The following KCNQ3 variants were observed in gnomAD, a reference collection of about 807,000 sequenced individuals.
KCNQ3 encodes the protein potassium voltage-gated channel subfamily KQT member 3.
A neutral mutation model predicts 92.5 loss-of-function variants in KCNQ3; 30 were observed. The ratio of observed to expected loss-of-function variants is 0.32; its 90% CI spans 0.24 to 0.44. The LOEUF (loss-of-function observed/expected upper bound fraction) is 0.44. Ranked by LOEUF, KCNQ3 falls within the 20% of genes least tolerant of loss-of-function variation. The pLI, the probability that KCNQ3 is intolerant of heterozygous loss-of-function variation, is 1.00. For synonymous variants in KCNQ3, 450 were observed against 468.8 expected, an observed-to-expected ratio of 0.96 and a Z score of 0.52; for missense variants, 913 against 1,140.3, an observed-to-expected ratio of 0.80 and a Z score of 2.87.
chr8:132,422,739 T>A (rs1821008238), intron 1 of KCNQ3, among the ~76,000 whole-genome samples: 1 of 152,182 alleles, frequency 6.6e-6, no homozygotes, highest in Non-Finnish European at 1.5e-5. Flanking sequence ...TAATGCATAA[T>A]TATTTGTCCA....
chr8:132,238,799 G>A (rs189479350), intron 1 of KCNQ3, among the ~76,000 whole-genome samples: 38 of 152,262 alleles, frequency 2.5e-4, no homozygotes, highest in Admixed American at 2.4e-3. Flanking sequence ...CTTGGGTTAG[G>A]GGTCCATCCC....
At chr8:132,416,624 A>G (rs1483967033) in intron 1 of KCNQ3, among the ~76,000 whole-genome samples, 5 of 152,166 alleles carry the variant, frequency 3.3e-5, no homozygotes, top group Non-Finnish European at 5.9e-5. Context: ...TCCATCTCAA[A>G]CAAACAAACA....
intron 9 of KCNQ3, among the ~76,000 whole-genome samples, chr8:132,154,192 A>ATTTTT (rs1563775830): frequency 3.8e-5 from 4 of 104,478 alleles, no homozygotes; most frequent in African/African-American, 1.3e-4. Context: ...AAAGGGTAAA[A>ATTTTT]GTTTTTTTTT....
rs1824537503 is a variant in KCNQ3 at position 132,123,011 on chromosome 8, C to G, written c.*6251G>C. 1 of 152,098 alleles carries G rather than the reference C, an allele frequency of 6.6e-6. No individual in the cohort carries two copies. The highest frequency in any genetic ancestry group is 6.6e-5 in the Admixed American group (1 of 15,256). The allele number at this position is 152,098 out of a possible 1,614,324, so 9.4% of individuals were successfully genotyped here. The stretch of plus-strand genomic sequence containing the variant: ...TTCTCTGGGACAAGGCAAGAGGACC[C>G]AAGCTGTGTTCAAATGAGACCCAGA... On this transcript the variant is annotated 3_prime_UTR_variant, in exon 15 of 15. Transcript: ENST00000388996.
chr8:132,425,743 T>G (rs1234949277), intron 1 of KCNQ3, among the ~76,000 whole-genome samples: 1 of 152,214 alleles, frequency 6.6e-6, no homozygotes, highest in Non-Finnish European at 1.5e-5. Flanking sequence ...AATATGAATC[T>G]GCCAAGGTAT....
intron 1 of KCNQ3, among the ~76,000 whole-genome samples, chr8:132,302,719 TTC>T (rs771123683): frequency 6.6e-5 from 10 of 152,224 alleles, no homozygotes; most frequent in Non-Finnish European, 1.0e-4. Context: ...CTCGATTTTT[TTC>T]TCTCTCCTGC....
chr8:132,164,911 TCA>T (rs1013419914), intron 8 of KCNQ3, among the ~76,000 whole-genome samples: 5 of 152,114 alleles, frequency 3.3e-5, no homozygotes, highest in African/African-American at 1.2e-4. Context: ...ACCCATGGTC[TCA>T]CCATCTGGCT....
chr8:132,151,562 G>A (rs1261259915), intron 9 of KCNQ3, among the ~76,000 whole-genome samples: 1 of 152,136 alleles, frequency 6.6e-6, no homozygotes, highest in East Asian at 1.9e-4. Context: ...GCACAACAAG[G>A]TATTCTCAAG....
chr8:132,174,923 A>G (rs940025074), intron 5 of KCNQ3, among the ~76,000 whole-genome samples: 1 of 152,236 alleles, frequency 6.6e-6, no homozygotes, highest in African/African-American at 2.4e-5. Context: ...AAGACCTTGA[A>G]GTTACTTAAC....
intron 1 of KCNQ3, among the ~76,000 whole-genome samples, chr8:132,302,161 G>A (rs182105599): frequency 6.6e-6 from 1 of 152,180 alleles, no homozygotes; most frequent in Non-Finnish European, 1.5e-5. Flanking sequence ...TGGCAAGTGG[G>A]TCACAGTGGC....
At chr8:132,394,266 A>G (rs1820132918) in intron 1 of KCNQ3, among the ~76,000 whole-genome samples, 1 of 152,200 alleles carries the variant, frequency 6.6e-6, no homozygotes, top group Non-Finnish European at 1.5e-5. Context: ...AGGAGAGAGC[A>G]TGGGATTTCC....
intron 1 of KCNQ3, among the ~76,000 whole-genome samples, chr8:132,444,998 T>C (rs1821636664): frequency 6.6e-6 from 1 of 152,076 alleles, no homozygotes; most frequent in South Asian, 2.1e-4. Context: ...GATTTCAGGG[T>C]AGTAATATGG....
At position 132,353,911 on chromosome 8, in the gene KCNQ3, C is replaced by T. The variant is rs146160965; in HGVS notation, c.386+126236G>A. Among the ~76,000 whole-genome samples, 591 of 152,302 alleles carry T rather than the reference C, an allele frequency of 3.9e-3. 2 individuals carry two copies. The highest frequency in any genetic ancestry group is 0.013 in the African/African-American group (548 of 41,564). On this transcript the variant is annotated intron_variant, in intron 1 of 14. Transcript: ENST00000388996. ...AGAGAGAACACTGTAAGCTCTAAAA[C>T]GGCTGCAGATGAAGGTTAACTAGAG...
chr8:132,344,795 T>G (rs1480443279), intron 1 of KCNQ3, among the ~76,000 whole-genome samples: 3 of 152,110 alleles, frequency 2.0e-5, no homozygotes, highest in Middle Eastern at 3.4e-3. Flanking sequence ...TAATGGAGAC[T>G]GGAGAGGAAC....
chr8:132,378,115 C>A (rs1390171996), intron 1 of KCNQ3, among the ~76,000 whole-genome samples: 1 of 152,052 alleles, frequency 6.6e-6, no homozygotes. Flanking sequence ...ACAATATGGC[C>A]GGGCATGGTG....
chr8:132,213,592 C>T (rs1813933453), intron 1 of KCNQ3, among the ~76,000 whole-genome samples: 2 of 152,314 alleles, frequency 1.3e-5, no homozygotes, highest in Non-Finnish European at 2.9e-5. Context: ...CCCTCTCATG[C>T]TGAGCTGATG....
intron 1 of KCNQ3, among the ~76,000 whole-genome samples, chr8:132,428,118 C>T (rs1277210322): frequency 1.3e-5 from 2 of 152,130 alleles, no homozygotes; most frequent in African/African-American, 2.4e-5. Flanking sequence ...CTCGACTTCT[C>T]GGTCTCTGCA....
At chr8:132,130,858 A>T (rs2436133) in intron 14 of KCNQ3, among the ~76,000 whole-genome samples, 1 of 152,084 alleles carries the variant, frequency 6.6e-6, no homozygotes, top group Non-Finnish European at 1.5e-5. Context: ...ACATGAGTGT[A>T]TGTGCACACG....
chr8:132,311,287 T>C (rs1452972632), intron 1 of KCNQ3, among the ~76,000 whole-genome samples: 2 of 152,228 alleles, frequency 1.3e-5, no homozygotes, highest in Non-Finnish European at 2.9e-5. Context: ...TGTTGGGTGC[T>C]CCACATAAGC....
Sources: gnomAD v4.1 joint callset for allele counts (sites outside exome capture counted in the v4.1 genomes callset) on GRCh38, gnomAD v4.1.1 for gene constraint, MANE v1.5 for transcripts, NCBI Gene and HGNC (gene_info 2026-07-23, HGNC 2026-07-21) for gene names.